USP40: variants seen among roughly 807,000 people sequenced by gnomAD.
USP40 encodes the protein ubiquitin specific peptidase 40, also known as ubiquitin carboxyl-terminal hydrolase 40.
Under a neutral mutation model 166.2 loss-of-function variants are expected in USP40, and 143 were observed. The observed-to-expected ratio is 0.86, with a 90% CI of 0.75 to 0.99. The LOEUF is 0.99. Among genes scored for constraint, USP40 ranks in the 50% least tolerant of loss-of-function variants. USP40 has a pLI of 0.00. For synonymous variants in USP40, 498 were observed against 524.0 expected (o/e 0.95, Z 0.68); for missense variants, 1,444 against 1,479.7 (o/e 0.98, Z 0.40).
chr2:233,542,556 T>A, intron 8 of USP40, 193 bp from the exon 9 acceptor site: 2 of 431,412 alleles, frequency 4.6e-6, no homozygotes, highest in Non-Finnish European at 8.2e-6. Context: ...TACAAAAAGA[T>A]AAAAAAAATT....
chr2:233,481,810 G>A (rs932688235), intron 30 of USP40, among the ~76,000 whole-genome samples: 1 of 152,160 alleles, frequency 6.6e-6, no homozygotes, highest in Non-Finnish European at 1.5e-5. Context: ...CTGCATTCCC[G>A]TGACTGGGCA....
intron 24 of USP40, among the ~76,000 whole-genome samples, chr2:233,494,986 AC>A (rs1222561561): frequency 4.2e-5 from 4 of 96,038 alleles, no homozygotes; most frequent in African/African-American, 1.7e-4. Context: ...ATATACACAC[AC>A]ATAAAAAATA....
rs372166118 is a variant in USP40, at chr2:233,531,162, C to T, written c.1472-1650G>A. ...AAATATCTGAAGAGCTACCTTACCACGGATTAAAACACAAATATGCTTAGA... is the reference window on the plus strand; with the variant it reads ...AAATATCTGAAGAGCTACCTTACCATGGATTAAAACACAAATATGCTTAGA... On this transcript the variant is annotated intron_variant, in intron 11 of 31. Coordinates refer to ENST00000678225, the MANE Select transcript of USP40 (RefSeq NM_001365479.2). Among the ~76,000 whole-genome samples, 5 of 152,278 alleles carry T rather than the reference C, an allele frequency of 3.3e-5. No individual in the cohort carries two copies. The South Asian group carries it at 1.0e-3, about 32-fold the overall frequency.
chr2:233,520,285 A>C (rs2067562640), intron 17 of USP40, among the ~76,000 whole-genome samples: 1 of 152,152 alleles, frequency 6.6e-6, no homozygotes, highest in Non-Finnish European at 1.5e-5. Flanking sequence ...GTCATAAAGG[A>C]CTTCACCAAA....
intron 9 of USP40, 80 bp from the exon 10 acceptor site, chr2:233,540,849 G>C: frequency 2.2e-6 from 2 of 900,008 alleles, no homozygotes; most frequent in Non-Finnish European, 3.5e-6. Flanking sequence ...AGACCAACAG[G>C]ATTATACCTA....
intron 4 of USP40, among the ~76,000 whole-genome samples, chr2:233,558,228 G>C (rs1479373819): frequency 6.6e-6 from 1 of 151,720 alleles, no homozygotes; most frequent in Non-Finnish European, 1.5e-5. Context: ...TCCTACCACT[G>C]CAGGTCCAGT....
chr2:233,503,143 AT>A (rs781270713), intron 21 of USP40, among the ~76,000 whole-genome samples: 38 of 152,356 alleles, frequency 2.5e-4, no homozygotes, highest in Admixed American at 7.2e-4. Context: ...AGAAAAATTC[AT>A]TCATAATCTG....
rs750696300 is a variant in USP40 at position 233,540,701 on chromosome 2, C to G, written c.1131G>C (p.Trp377Cys). The G allele has an allele frequency of 6.2e-7, 1 of 1,612,986 alleles. No homozygotes were observed. Among genetic ancestry groups the G allele is most frequent in the Non-Finnish European group, 8.5e-7 (1 of 1,179,324 alleles). The change falls in exon 10 of 32, where the codon TGG becomes TGC. Residue 377 changes from tryptophan to cysteine, a missense_variant. Physicochemically the swap from Trp to Cys is radical, Grantham distance 215. Coordinates refer to ENST00000678225, the MANE Select transcript of USP40 (RefSeq NM_001365479.2). ...CATGCTGTTTTCTGTACTTCTTGTT[C>G]CAAGATATTCCTATCTTTTTCAAAA... The part of the protein sequence containing the change: ...QKLLKKIGIS[W>C]NKKYRKQHGP...
chr2:233,551,517 C>T lies in USP40; in HGVS notation c.696G>A (p.Ser232=), dbSNP rs1454901428. 12 of 1,585,778 alleles carry T rather than the reference C, an allele frequency of 7.6e-6. No homozygotes were observed. The highest frequency in any genetic ancestry group is 3.5e-5 in the South Asian group (3 of 85,144). The change falls in exon 7 of 32, where the codon TCG becomes TCA. Residue 232 remains serine (S), a splice_region_variant and synonymous_variant. Coordinates refer to ENST00000678225, the MANE Select transcript of USP40 (RefSeq NM_001365479.2). The stretch of plus-strand genomic sequence containing the variant: ...AAGGAGGCAGCTTACGTAATTTGGC[C>T]GACTGTTAAAAGAAAAATTTACAAA... ...TCDRLVKAAK[S]AKLRKLPPFL...
rs1306531787 is a variant in USP40 at position 233,475,749 on chromosome 2, A to G, written c.*1643T>C. The G allele has an allele frequency of 6.6e-6, 1 of 152,392 alleles. No individual in the cohort carries two copies. Among genetic ancestry groups the G allele is most frequent in the African/African-American group, 2.4e-5 (1 of 41,478 alleles). 9.4% of individuals were successfully genotyped at this position (152,392 alleles called of 1,614,324 possible). A position where few individuals can be genotyped will look rare whatever the true frequency, so the allele number is the denominator to read the frequency against. On this transcript the variant is annotated 3_prime_UTR_variant, in exon 32 of 32. Coordinates refer to ENST00000678225, the MANE Select transcript of USP40 (RefSeq NM_001365479.2). ...CGAGGCTTCTGGCCTCTCGAAGGCA[A>G]AGCTTTTCAGCGATTTCATTAATAT...
At chr2:233,506,740 C>CAAAAAAAAAAAAAAA (rs1227656570) in intron 21 of USP40, among the ~76,000 whole-genome samples, 6 of 53,834 alleles carry the variant, frequency 1.1e-4, no homozygotes, top group East Asian at 5.7e-4. Flanking sequence ...ACCGAAAATA[C>CAAAAAAAAAAAAAAA]AAAAAAAAAA....
intron 6 of USP40, among the ~76,000 whole-genome samples, chr2:233,554,026 C>G (rs1299259465): frequency 6.6e-6 from 1 of 152,160 alleles, no homozygotes; most frequent in African/African-American, 2.4e-5. Flanking sequence ...AAAATGAAGA[C>G]AGCCATCTAC....
At position 233,510,765 on chromosome 2, in the gene USP40, T is replaced by C. The variant is rs144921657; in HGVS notation, c.2527-630A>G. Among the ~76,000 whole-genome samples, 312 of 152,298 alleles carry C rather than the reference T, an allele frequency of 2.0e-3. 2 individuals are homozygous for C. The highest frequency in any genetic ancestry group is 7.2e-3 in the African/African-American group (300 of 41,562). On this transcript the variant is annotated intron_variant, in intron 20 of 31. Coordinates refer to ENST00000678225, the MANE Select transcript of USP40 (RefSeq NM_001365479.2). ...TGTCTCGATCACTCCCAAAAGGAAT[T>C]TGTAATTACTACACACAGTTAGCAT... is the stretch of plus-strand genomic sequence containing the variant.
chr2:233,512,610 CAG>C lies in USP40; in HGVS notation c.2394_2395del (p.Ser798ArgfsTer6). On this transcript the variant is annotated frameshift_variant, in exon 19 of 32. Coordinates refer to ENST00000678225, the MANE Select transcript of USP40 (RefSeq NM_001365479.2). LOFTEE classifies it high-confidence loss of function. ...CCCATTTCTATCAATAGGTCTCAAA[CAG>C]CTGTTGTCAGCTATATATAAAAGGA... is the stretch of plus-strand genomic sequence containing the variant. 6.6e-7 allele frequency: 1 copy of C among 1,521,322 alleles called. No homozygotes were observed. Among genetic ancestry groups the C allele is most frequent in the South Asian group, 1.2e-5 (1 of 81,026 alleles). The allele number at this position is 1,521,322 out of a possible 1,614,324, so 94.2% of individuals were successfully genotyped here. A position where few individuals can be genotyped will look rare whatever the true frequency, so the allele number is the denominator to read the frequency against.
chr2:233,523,413 C>T lies in USP40; in HGVS notation c.1958G>A (p.Ser653Asn), dbSNP rs1302897554. Reference protein sequence around the residue: ...LLNVLHLDTSSDGEKCCQVIE... With the variant: ...LLNVLHLDTSNDGEKCCQVIE... ...CACCTGACAACACTTTTCTCCATCA[C>T]TGCTTGTGTCTAGATGAAGAACATT... Residue 653 changes from serine (S) to asparagine (N), a missense_variant, in exon 16 of 32, where the codon AGT (serine) becomes AAT (asparagine). Ser to Asn is a conservative substitution (Grantham distance 46). Transcript: ENST00000678225. The T allele has an allele frequency of 6.2e-7, 1 of 1,614,018 alleles. No homozygotes were observed. The highest frequency in any genetic ancestry group is 8.5e-7 in the Non-Finnish European group (1 of 1,179,884).
At chr2:233,545,185 GA>G (rs2069793680) in intron 8 of USP40, among the ~76,000 whole-genome samples, 1 of 152,110 alleles carries the variant, frequency 6.6e-6, no homozygotes, top group South Asian at 2.1e-4. Context: ...GCAATTATCA[GA>G]AAGAAAATAA....
chr2:233,476,974 G>T lies in USP40; in HGVS notation c.*418C>A. The T allele has an allele frequency of 3.1e-6, 1 of 318,680 alleles. No homozygotes were observed. The highest frequency in any genetic ancestry group is 2.7e-5 in the South Asian group (1 of 37,166). The allele number at this position is 318,680 out of a possible 1,614,324, so 19.7% of individuals were successfully genotyped here. ...GAGACACTGTGAGAAGCCGGTCAGG[G>T]CGAACGAGAGTCATCTGAACACGGA... is the stretch of plus-strand genomic sequence containing the variant. On this transcript the variant is annotated 3_prime_UTR_variant, in exon 32 of 32. Transcript: ENST00000678225.
At chr2:233,548,070 A>G (rs1357059453) in intron 8 of USP40, among the ~76,000 whole-genome samples, 2 of 152,220 alleles carry the variant, frequency 1.3e-5, no homozygotes, top group Non-Finnish European at 2.9e-5. Flanking sequence ...GACTCACACA[A>G]AAATGAAGAG....
intron 2 of USP40, among the ~76,000 whole-genome samples, chr2:233,563,732 A>C (rs2071872059): frequency 6.6e-6 from 1 of 152,094 alleles, no homozygotes. Context: ...ATTCTTTCCA[A>C]ATTATACCTC....
Sources: allele counts gnomAD v4.1 joint callset (sites outside exome capture counted in the v4.1 genomes callset), GRCh38; gene constraint gnomAD v4.1.1; transcripts MANE v1.5; gene names NCBI Gene and HGNC (gene_info 2026-07-23, HGNC 2026-07-21).